The following TP63 variants were observed in gnomAD, a reference collection of about 807,000 sequenced individuals.
TP63 encodes tumor protein 63.
In TP63, 17 loss-of-function variants were observed where a neutral mutation model predicts 82.8. That is an observed-to-expected ratio of 0.21 (90% confidence interval 0.14 to 0.31). The LOEUF (loss-of-function observed/expected upper bound fraction) is 0.31, where lower values mean the gene tolerates loss of function less well. Among genes scored for constraint, TP63 ranks in the 10% least tolerant of loss-of-function variants. TP63 has a pLI of 1.00. For missense variants in TP63, 648 were observed against 895.3 expected (o/e 0.72, Z 3.52); for synonymous variants, 330 against 321.7 (o/e 1.03, Z -0.28).
the TP63 span, among the ~76,000 whole-genome samples, chr3:189,617,172 C>T: frequency 1.3e-5 from 2 of 152,200 alleles, no homozygotes; most frequent in African/African-American, 2.4e-5. Flanking sequence ...ATCAAGGCCT[C>T]CTGTATACTA....
chr3:189,768,637 G>C (rs80270222), intron 3 of TP63, among the ~76,000 whole-genome samples: 47 of 152,026 alleles, frequency 3.1e-4, no homozygotes, highest in African/African-American at 1.1e-3. Context: ...ATTCCAAAAC[G>C]TATGCACTGC....
chr3:189,660,535 G>C (rs1713781877), intron 1 of TP63, among the ~76,000 whole-genome samples: 1 of 152,018 alleles, frequency 6.6e-6, no homozygotes, highest in African/African-American at 2.4e-5. Context: ...GGATTGCTTT[G>C]AATTTTCAGG....
Position 189,894,596 on chromosome 3 carries a change from C to A in TP63, c.*94C>A. The A allele has an allele frequency of 6.9e-7, 1 of 1,449,286 alleles. No homozygotes were observed. The allele number at this position is 1,449,286 out of a possible 1,614,324, so 89.8% of individuals were successfully genotyped here. A position where few individuals can be genotyped will look rare whatever the true frequency, so the allele number is the denominator to read the frequency against. Reference sequence around the variant, plus strand: ...CTTCAAAGCCTTCTCCCTAGCTCCTCCCCTTCCTCTTGTCTGATTTCTTAG... The same window carrying A: ...CTTCAAAGCCTTCTCCCTAGCTCCTACCCTTCCTCTTGTCTGATTTCTTAG... On this transcript the variant is annotated 3_prime_UTR_variant, in exon 14 of 14. Coordinates refer to ENST00000264731, the MANE Select transcript of TP63 (RefSeq NM_003722.5).
chr3:189,808,237 G>A, intron 3 of TP63, 35 bp from the exon 4 acceptor site: 2 of 1,614,238 alleles, frequency 1.2e-6, no homozygotes, highest in East Asian at 2.2e-5. Flanking sequence ...CGTGGCTTCA[G>A]CGGCTAATAT....
chr3:189,689,133 T>TTTTTTTTTTTTTTTTG (rs1716705999), intron 1 of TP63, among the ~76,000 whole-genome samples: 1 of 119,110 alleles, frequency 8.4e-6, no homozygotes, highest in Non-Finnish European at 1.7e-5. Flanking sequence ...TTTTTTTTTT[T>TTTTTTTTTTTTTTTTG]TGAGACGGAG....
intron 4 of TP63, among the ~76,000 whole-genome samples, chr3:189,837,142 A>G (rs1418873368): frequency 6.6e-6 from 1 of 152,068 alleles, no homozygotes; most frequent in East Asian, 1.9e-4. Context: ...CAGTCAACAA[A>G]AGATGATTTT....
At chr3:189,808,173 T>A (rs559377828) in intron 3 of TP63, 99 bp from the exon 4 acceptor site, 32 of 1,599,352 alleles carry the variant, frequency 2.0e-5, no homozygotes, top group Non-Finnish European at 2.7e-5. Context: ...CGACGTGAGG[T>A]CCATCTCTGT....
At chr3:189,824,248 G>A (rs996111148) in intron 4 of TP63, among the ~76,000 whole-genome samples, 15 of 151,034 alleles carry the variant, frequency 9.9e-5, no homozygotes, top group East Asian at 2.0e-4. Flanking sequence ...ACAGAGTCTC[G>A]CTCCGTCACC....
intron 1 of TP63, among the ~76,000 whole-genome samples, chr3:189,672,712 G>GGAAGGAAGGAAA (rs1715033109): frequency 7.1e-6 from 1 of 139,928 alleles, no homozygotes; most frequent in Non-Finnish European, 1.6e-5. Context: ...AAGGAAAGAA[G>GGAAGGAAGGAAA]GAAGGCAGGC....
chr3:189,694,666 A>C (rs899443866), intron 1 of TP63, among the ~76,000 whole-genome samples: 1 of 151,604 alleles, frequency 6.6e-6, no homozygotes, highest in Non-Finnish European at 1.5e-5. Context: ...ATGAATTTTC[A>C]CTGTTGATGG....
intron 1 of TP63, among the ~76,000 whole-genome samples, chr3:189,719,632 G>A (rs55739282): frequency 0.53 from 80,513 of 151,980 alleles, 21,484 homozygotes; most frequent in Middle Eastern, 0.64. Flanking sequence ...CAGCTCTGCC[G>A]TCGCAGGTTG....
intron 4 of TP63, among the ~76,000 whole-genome samples, chr3:189,859,468 A>G (rs1577122780): frequency 6.6e-6 from 1 of 152,218 alleles, no homozygotes; most frequent in Non-Finnish European, 1.5e-5. Flanking sequence ...GATGTTAAAC[A>G]TTATTAATCA....
At chr3:189,609,528 C>A in the TP63 span, among the ~76,000 whole-genome samples, 1 of 152,066 alleles carries the variant, frequency 6.6e-6, no homozygotes, top group African/African-American at 2.4e-5. Context: ...TCCTCTCCTT[C>A]CTCCGACCCT....
chr3:189,854,696 A>C (rs1389772858), intron 4 of TP63, among the ~76,000 whole-genome samples: 1 of 152,242 alleles, frequency 6.6e-6, no homozygotes, highest in Non-Finnish European at 1.5e-5. Context: ...TGCAAACACT[A>C]GCTGTGGCTA....
At chr3:189,832,740 C>A (rs1207240627) in intron 4 of TP63, among the ~76,000 whole-genome samples, 27 of 152,194 alleles carry the variant, frequency 1.8e-4, no homozygotes, top group Admixed American at 1.6e-3. Flanking sequence ...ACTGTGGGAA[C>A]TGGTTCATGT....
chr3:189,822,217 A>G (rs777950958), intron 4 of TP63, among the ~76,000 whole-genome samples: 13 of 152,222 alleles, frequency 8.5e-5, no homozygotes, highest in Non-Finnish European at 1.6e-4. Context: ...AGGATGGATC[A>G]TAGATTTAGG....
At chr3:189,757,427 G>A (rs1722261751) in intron 3 of TP63, among the ~76,000 whole-genome samples, 1 of 152,198 alleles carries the variant, frequency 6.6e-6, no homozygotes, top group Admixed American at 6.5e-5. Context: ...CAAGGATCAG[G>A]ATTGATATTG....
the TP63 span, among the ~76,000 whole-genome samples, chr3:189,616,388 C>G: frequency 6.6e-6 from 1 of 152,196 alleles, no homozygotes; most frequent in East Asian, 1.9e-4. Context: ...ATATTAAGTT[C>G]TTTCTAACAC....
At chr3:189,620,506 C>CAAAAAA in the TP63 span, among the ~76,000 whole-genome samples, 65 of 68,824 alleles carry the variant, frequency 9.4e-4, 2 homozygotes, top group Non-Finnish European at 1.2e-3. Context: ...AAGACTCCAT[C>CAAAAAA]AAAAAAAAAA....
Sources: gnomAD v4.1 joint callset for allele counts (sites outside exome capture counted in the v4.1 genomes callset) on GRCh38, gnomAD v4.1.1 for gene constraint, MANE v1.5 for transcripts, NCBI Gene and HGNC (gene_info 2026-07-23, HGNC 2026-07-21) for gene names.